The following OCA2 variants were observed in gnomAD, a reference collection of about 807,000 sequenced individuals.
The protein encoded by OCA2 is OCA2 melanosomal transmembrane protein, also known as P protein.
A neutral mutation model predicts 100.2 loss-of-function variants in OCA2; 77 were observed. The ratio of observed to expected loss-of-function variants is 0.77; its 90% CI spans 0.64 to 0.93. The LOEUF is 0.93. Among genes scored for constraint, OCA2 ranks in the 40% least tolerant of loss-of-function variants. OCA2 has a pLI of 0.00. For synonymous variants in OCA2, 432 were observed against 439.2 expected (o/e 0.98, Z 0.21); for missense variants, 1,062 against 1,089.1 (o/e 0.98, Z 0.35).
intron 19 of OCA2, among the ~76,000 whole-genome samples, chr15:27,916,865 G>A (rs2038684073): frequency 6.6e-6 from 1 of 152,208 alleles, no homozygotes; most frequent in Non-Finnish European, 1.5e-5. Context: ...CATGACAGAA[G>A]AAGGATTTGA....
At chr15:27,821,886 T>C (rs2034522481) in intron 23 of OCA2, among the ~76,000 whole-genome samples, 1 of 152,200 alleles carries the variant, frequency 6.6e-6, no homozygotes, top group African/African-American at 2.4e-5. Flanking sequence ...TCTACCTCCT[T>C]GTCTGTGTCT....
chr15:27,996,053 C>T (rs4778227), intron 9 of OCA2, among the ~76,000 whole-genome samples: 91,242 of 151,644 alleles, frequency 0.6, 31,616 homozygotes, highest in Non-Finnish European at 0.79. Context: ...ACTCATGATC[C>T]GCCCACCTCA....
At chr15:28,003,536 A>T (rs1299548775) in intron 9 of OCA2, among the ~76,000 whole-genome samples, 1 of 150,664 alleles carries the variant, frequency 6.6e-6, no homozygotes, top group Non-Finnish European at 1.5e-5. Flanking sequence ...AAAATGTGGA[A>T]AAACCACAGC....
intron 23 of OCA2, among the ~76,000 whole-genome samples, chr15:27,835,842 C>T (rs930862076): frequency 6.6e-6 from 1 of 152,214 alleles, no homozygotes; most frequent in Non-Finnish European, 1.5e-5. Context: ...CCCTAGTGGT[C>T]TGCGTGCCTC....
intron 15 of OCA2, among the ~76,000 whole-genome samples, chr15:27,958,401 A>G (rs2040301901): frequency 6.6e-6 from 1 of 152,206 alleles, no homozygotes; most frequent in South Asian, 2.1e-4. Flanking sequence ...TCTAGTGAAA[A>G]TTGAAAACAC....
Position 27,957,655 on chromosome 15 carries a change from G to T in OCA2, c.1717C>A (p.Arg573Ser). 1 of 1,613,054 alleles carries T rather than the reference G, an allele frequency of 6.2e-7. No homozygotes were observed. Among genetic ancestry groups the T allele is most frequent in the Non-Finnish European group, 8.5e-7 (1 of 1,180,008 alleles). ...PASREETAVR[R>S]LLLGKVLALE... ...GCCAGCACCTTCCCCAGCAGCAGGCGGCGCACAGCTGTCTCCTCGCGGCTG... is the reference window on the plus strand; with the variant it reads ...GCCAGCACCTTCCCCAGCAGCAGGCTGCGCACAGCTGTCTCCTCGCGGCTG... The change falls in exon 16 of 24, where the codon CGC (arginine) becomes AGC (serine). Residue 573 changes from arginine to serine, a missense_variant. Transcript: ENST00000354638. The surrounding 1 kb of genome is among the most constrained non-coding windows in gnomAD (Gnocchi z 4.3).
the OCA2 span, among the ~76,000 whole-genome samples, chr15:27,733,107 T>C: frequency 1.3e-5 from 2 of 152,226 alleles, no homozygotes; most frequent in Non-Finnish European, 2.9e-5. Flanking sequence ...TGCATTCTTT[T>C]GAACTGATCC....
At chr15:28,080,322 G>T (rs1273381357) in intron 2 of OCA2, among the ~76,000 whole-genome samples, 2 of 152,324 alleles carry the variant, frequency 1.3e-5, no homozygotes, top group African/African-American at 4.8e-5. Flanking sequence ...TTTGCTGCAG[G>T]CTGTTTTTAA....
the OCA2 span, among the ~76,000 whole-genome samples, chr15:27,729,929 A>G: frequency 6.6e-6 from 1 of 152,222 alleles, no homozygotes; most frequent in Non-Finnish European, 1.5e-5. Flanking sequence ...TCTGGCACCA[A>G]AAATGTGGGT....
chr15:27,806,933 C>T (rs2033878766), intron 23 of OCA2, among the ~76,000 whole-genome samples: 1 of 152,216 alleles, frequency 6.6e-6, no homozygotes, highest in African/African-American at 2.4e-5. Flanking sequence ...CCACATTCTG[C>T]ATGGCATGGC....
At chr15:27,907,329 A>T (rs1215489338) in intron 19 of OCA2, among the ~76,000 whole-genome samples, 1 of 152,240 alleles carries the variant, frequency 6.6e-6, no homozygotes, top group African/African-American at 2.4e-5. Context: ...TACAATTTTT[A>T]AAAAATGATG....
rs530771792 is a variant in OCA2 at position 27,985,699 on chromosome 15, T to TC, written c.1240-512_1240-511insG. On this transcript the variant is annotated intron_variant, in intron 12 of 23. Coordinates refer to ENST00000354638, the MANE Select transcript of OCA2 (RefSeq NM_000275.3). ...TGCAAAGGGCTTTGTTGAGTAATTT[T>TC]TTTTTTTTTTTGAGACAGAGTCTCA... 4.0e-4 allele frequency among the ~76,000 whole-genome samples: 61 copies of TC among 151,996 alleles called. 2 individuals carry two copies. The South Asian group carries it at 0.012, about 31-fold the overall frequency.
At chr15:28,042,288 T>G (rs1464031065) in intron 2 of OCA2, among the ~76,000 whole-genome samples, 1 of 152,126 alleles carries the variant, frequency 6.6e-6, no homozygotes, top group Non-Finnish European at 1.5e-5. Flanking sequence ...TCATTTCTAC[T>G]TATCATTTCT....
intron 2 of OCA2, among the ~76,000 whole-genome samples, chr15:28,069,129 A>C (rs2044114014): frequency 6.6e-6 from 1 of 152,136 alleles, no homozygotes; most frequent in Non-Finnish European, 1.5e-5. Context: ...AGCCATCCAA[A>C]CAAGAAAAGA....
At chr15:27,850,887 G>A (rs889248155) in intron 22 of OCA2, among the ~76,000 whole-genome samples, 3 of 152,104 alleles carry the variant, frequency 2.0e-5, no homozygotes, top group Admixed American at 6.5e-5. Context: ...GCTCACCAGA[G>A]GTCAGTCTCT....
At chr15:27,768,936 C>T (rs192359218) in intron 23 of OCA2, among the ~76,000 whole-genome samples, 174 of 152,290 alleles carry the variant, frequency 1.1e-3, no homozygotes, top group African/African-American at 3.6e-3. Flanking sequence ...ATGCTTCATG[C>T]GCTGCCCAGC....
At chr15:27,743,983 C>T in the OCA2 span, among the ~76,000 whole-genome samples, 3 of 152,280 alleles carry the variant, frequency 2.0e-5, no homozygotes, top group South Asian at 4.1e-4. Context: ...CATATCCCCC[C>T]AGGAAACCTC....
intron 18 of OCA2, among the ~76,000 whole-genome samples, chr15:27,939,690 C>T (rs1387160088): frequency 2.6e-5 from 4 of 152,214 alleles, no homozygotes; most frequent in Non-Finnish European, 4.4e-5. Flanking sequence ...CAGGTCAGTG[C>T]TGCAGGTGCA....
chr15:27,961,949 G>A (rs9788702), intron 15 of OCA2, among the ~76,000 whole-genome samples: 78,190 of 151,630 alleles, frequency 0.52, 24,271 homozygotes, highest in Non-Finnish European at 0.71. Context: ...AAGTGTAATT[G>A]AGAAATAAAA....
Sources: allele counts gnomAD v4.1 joint callset (sites outside exome capture counted in the v4.1 genomes callset), GRCh38; gene constraint gnomAD v4.1.1; non-coding constraint Gnocchi (gnomAD v3.1); transcripts MANE v1.5; gene names NCBI Gene and HGNC (gene_info 2026-07-23, HGNC 2026-07-21).